The following TSPAN1 variants were observed in gnomAD, a reference collection of about 807,000 sequenced individuals.
TSPAN1 encodes the protein tetraspanin 1.
A neutral mutation model predicts 26.9 loss-of-function variants in TSPAN1; 23 were observed. That is an observed-to-expected ratio of 0.85 (90% CI 0.62 to 1.21). The LOEUF is 1.21. TSPAN1 is among the 50% of genes most tolerant of loss of function. The probability of loss-of-function intolerance (pLI) is 0.00; values close to 1 mark genes in which losing one functional copy is unlikely to be tolerated. For synonymous variants in TSPAN1, 115 were observed against 114.8 expected (o/e 1.00, Z -0.01); for missense variants, 283 against 298.4 (o/e 0.95, Z 0.38).
intron 3 of TSPAN1, chr1:46,183,730 G>A (rs1571638611): frequency 1.1e-5 from 2 of 184,926 alleles, no homozygotes; most frequent in East Asian, 1.2e-4. Context: ...TTGCCAGCAG[G>A]TGGAACCTCA....
At chr1:46,186,559 C>T (rs1247417875), downstream of TSPAN1, among the ~76,000 whole-genome samples, 4 of 145,956 alleles carry the variant, frequency 2.7e-5, no homozygotes, top group Non-Finnish European at 3.0e-5. Flanking sequence ...GGTGTGATCT[C>T]GGCTCACTGC....
At chr1:46,191,985 T>C in the TSPAN1 span, 1 of 1,454,158 alleles carries the variant, frequency 6.9e-7, no homozygotes, top group Non-Finnish European at 9.4e-7. Context: ...AGGATAGCTC[T>C]TTCCCCAAGG....
chr1:46,184,524 G>C (rs1165106187), intron 4 of TSPAN1, 70 bp from the exon 5 acceptor site: 20 of 1,604,808 alleles, frequency 1.2e-5, no homozygotes, highest in Admixed American at 1.7e-5. Flanking sequence ...TTTTCCGGGG[G>C]GGGGATTAGG....
intron 3 of TSPAN1, chr1:46,183,830 C>T (rs767753540): frequency 9.3e-5 from 34 of 364,870 alleles, no homozygotes; most frequent in South Asian, 4.8e-4. Flanking sequence ...TTCTAGGCAC[C>T]CATAGCCCAG....
chr1:46,192,269 T>G, the TSPAN1 span: 2 of 1,614,152 alleles, frequency 1.2e-6, no homozygotes, highest in East Asian at 4.5e-5. Context: ...TTCGAGTTGG[T>G]AGGGGACTCC....
chr1:46,193,132 T>C, the TSPAN1 span: 9 of 1,613,566 alleles, frequency 5.6e-6, no homozygotes, highest in East Asian at 2.2e-5. Flanking sequence ...ATGCCCATGT[T>C]TCCCCCCTCC....
At chr1:46,193,915 T>G in the TSPAN1 span, 2 of 1,614,148 alleles carry the variant, frequency 1.2e-6, no homozygotes. Flanking sequence ...GAGGACCTTG[T>G]TGTCTGGGAG....
downstream of TSPAN1, chr1:46,190,229 A>T: frequency 1.4e-5 from 9 of 647,686 alleles, no homozygotes; most frequent in Non-Finnish European, 1.6e-5. Flanking sequence ...TATTTTTAGT[A>T]GAGACAGGGT....
Position 46,185,647 on chromosome 1 carries a change from A to T in TSPAN1, c.*114A>T. ...GATCTAACAATGTCACTTGGGCCAGAATGGACCTGCCCTTTCTGCTCCAGA... is the reference window on the plus strand; with the variant it reads ...GATCTAACAATGTCACTTGGGCCAGTATGGACCTGCCCTTTCTGCTCCAGA... On this transcript the variant is annotated 3_prime_UTR_variant, in exon 9 of 9. Transcript: ENST00000372003. 1 of 1,225,238 alleles carries T rather than the reference A, an allele frequency of 8.2e-7. No homozygotes were observed. The highest frequency in any genetic ancestry group is 1.2e-6 in the Non-Finnish European group (1 of 850,008). 75.9% of individuals were successfully genotyped at this position (1,225,238 alleles called of 1,614,324 possible). A position where few individuals can be genotyped will look rare whatever the true frequency, so the allele number is the denominator to read the frequency against.
At chr1:46,188,650 C>A, downstream of TSPAN1, 1 of 1,554,908 alleles carries the variant, frequency 6.4e-7, no homozygotes, top group African/African-American at 1.4e-5. Flanking sequence ...TCCAGCACCC[C>A]CCTGACACAC....
chr1:46,189,064 A>G, downstream of TSPAN1: 1 of 1,524,308 alleles, frequency 6.6e-7, no homozygotes, highest in Non-Finnish European at 8.8e-7. Context: ...CTTCTCCAAC[A>G]AGGAAGTAAA....
downstream of TSPAN1, chr1:46,188,568 G>T: frequency 7.3e-7 from 1 of 1,363,964 alleles, no homozygotes. Context: ...GGCCCCAAAT[G>T]GAAGATAAAC....
downstream of TSPAN1, chr1:46,190,072 G>A: frequency 6.9e-7 from 1 of 1,458,518 alleles, no homozygotes; most frequent in Non-Finnish European, 9.4e-7. Flanking sequence ...TTGGTTGAAT[G>A]CTCTGCTGTT....
chr1:46,182,317 A>AAAAAAAAAAAAAAAAAAAAAAAAC (rs1657332418), intron 3 of TSPAN1, among the ~76,000 whole-genome samples: 3 of 146,228 alleles, frequency 2.1e-5, no homozygotes, highest in Admixed American at 7.0e-5. Context: ...AAAAAAAAAA[A>AAAAAAAAAAAAAAAAAAAAAAAAC]GCCACTGTGA....
rs1657418983 is a variant in TSPAN1, at chr1:46,185,861, A to G, written c.*328A>G. Reference sequence around the variant, plus strand: ...TCCCAGTGCTCTACTGGGGGATGAGAGAAAGGCATTTTATAGCCTGGGCAT... The same window carrying G: ...TCCCAGTGCTCTACTGGGGGATGAGGGAAAGGCATTTTATAGCCTGGGCAT... On this transcript the variant is annotated 3_prime_UTR_variant, in exon 9 of 9. Transcript: ENST00000372003. The G allele has an allele frequency of 2.6e-6, 1 of 391,944 alleles. No homozygotes were observed. Among genetic ancestry groups the G allele is most frequent in the African/African-American group, 2.0e-5 (1 of 49,148 alleles). 24.3% of individuals were successfully genotyped at this position (391,944 alleles called of 1,614,324 possible).
At chr1:46,180,141 CAT>C (rs962896053) in intron 1 of TSPAN1, among the ~76,000 whole-genome samples, 6 of 152,210 alleles carry the variant, frequency 3.9e-5, no homozygotes, top group Admixed American at 1.3e-4. Context: ...AACACTAGCA[CAT>C]GTTTATGTAT....
the TSPAN1 span, chr1:46,195,077 A>G: frequency 7.9e-6 from 7 of 883,724 alleles, no homozygotes; most frequent in African/African-American, 8.2e-5. Context: ...CATTATTGCA[A>G]TAACCCTCTA....
downstream of TSPAN1, chr1:46,189,653 C>T (rs1657595590): frequency 1.3e-6 from 2 of 1,556,738 alleles, no homozygotes; most frequent in South Asian, 1.2e-5. Flanking sequence ...AGCCCCCACC[C>T]CTCCTCAGAA....
At chr1:46,187,488 A>G (rs1657459372), downstream of TSPAN1, among the ~76,000 whole-genome samples, 1 of 151,422 alleles carries the variant, frequency 6.6e-6, no homozygotes, top group Non-Finnish European at 1.5e-5. Context: ...CAGAACCACC[A>G]CCCCCTTGCT....
Sources: allele counts gnomAD v4.1 joint callset (sites outside exome capture counted in the v4.1 genomes callset), GRCh38; gene constraint gnomAD v4.1.1; transcripts MANE v1.5; gene names NCBI Gene and HGNC (gene_info 2026-07-23, HGNC 2026-07-21).